The following FGD3 variants were observed in gnomAD, a reference collection of about 807,000 sequenced individuals.
FGD3 encodes FYVE, RhoGEF and PH domain containing 3, also known as FYVE, RhoGEF and PH domain-containing protein 3.
A neutral mutation model predicts 71.8 loss-of-function variants in FGD3; 45 were observed. The ratio of observed to expected loss-of-function variants is 0.63; its 90% CI spans 0.49 to 0.80. The LOEUF (loss-of-function observed/expected upper bound fraction) is 0.80. Ranked by LOEUF, FGD3 falls within the 30% of genes least tolerant of loss-of-function variation. The probability of loss-of-function intolerance (pLI) is 0.00; values close to 1 mark genes in which losing one functional copy is unlikely to be tolerated. For synonymous variants in FGD3, 378 were observed against 392.8 expected (o/e 0.96, Z 0.44); for missense variants, 844 against 951.5 (o/e 0.89, Z 1.49).
intron 6 of FGD3, among the ~76,000 whole-genome samples, chr9:93,008,956 C>T (rs989674021): frequency 4.4e-5 from 6 of 135,672 alleles, no homozygotes; most frequent in Non-Finnish European, 9.4e-5. Flanking sequence ...CAGAGCAAGA[C>T]TCCATCAAAA....
chr9:92,988,244 A>G (rs924969555), intron 3 of FGD3, among the ~76,000 whole-genome samples: 4 of 152,142 alleles, frequency 2.6e-5, no homozygotes, highest in Non-Finnish European at 5.9e-5. Flanking sequence ...TCCCCTGCAT[A>G]AGGCTCCACC....
intron 11 of FGD3, among the ~76,000 whole-genome samples, chr9:93,018,820 A>G (rs1490067976): frequency 6.6e-6 from 1 of 152,144 alleles, no homozygotes. Flanking sequence ...CAGGCCCAGC[A>G]CGTTCTTAGT....
chr9:92,958,002 ATT>A (rs34120692), intron 1 of FGD3, among the ~76,000 whole-genome samples: 10 of 137,228 alleles, frequency 7.3e-5, no homozygotes, highest in Non-Finnish European at 9.5e-5. Flanking sequence ...AAAATATTTA[ATT>A]TTTTTTTTTT....
intron 3 of FGD3, among the ~76,000 whole-genome samples, chr9:92,984,697 G>A (rs535513858): frequency 6.6e-6 from 1 of 152,274 alleles, no homozygotes; most frequent in Non-Finnish European, 1.5e-5. Context: ...CACCCATCTA[G>A]GAAAGTATAT....
At chr9:92,983,920 T>A (rs1379185983) in intron 3 of FGD3, among the ~76,000 whole-genome samples, 1 of 152,248 alleles carries the variant, frequency 6.6e-6, no homozygotes, top group African/African-American at 2.4e-5. Context: ...TCCCTACACA[T>A]CTTGCATGTA....
chr9:92,959,657 T>C (rs1859132580), intron 1 of FGD3, among the ~76,000 whole-genome samples: 1 of 136,060 alleles, frequency 7.3e-6, no homozygotes, highest in Non-Finnish European at 1.5e-5. Flanking sequence ...CAGTGAGTCA[T>C]GATCGGTCCA....
chr9:92,978,420 C>A, intron 3 of FGD3, among the ~76,000 whole-genome samples: 1 of 130,784 alleles, frequency 7.6e-6, no homozygotes, highest in Admixed American at 7.6e-5. Context: ...CCCACCCCCC[C>A]ACCCCACCCC....
At chr9:92,988,395 A>C (rs554661837) in intron 3 of FGD3, among the ~76,000 whole-genome samples, 1 of 152,252 alleles carries the variant, frequency 6.6e-6, no homozygotes, top group South Asian at 2.1e-4. Context: ...ATCTGGCATA[A>C]ATGCTTGTGG....
intron 3 of FGD3, among the ~76,000 whole-genome samples, chr9:92,993,506 T>G (rs906189848): frequency 1.3e-5 from 2 of 152,196 alleles, no homozygotes; most frequent in African/African-American, 4.8e-5. Flanking sequence ...AAGGTACATG[T>G]GCACAATGTG....
At chr9:92,981,758 T>A (rs1860009174) in intron 3 of FGD3, among the ~76,000 whole-genome samples, 2 of 152,222 alleles carry the variant, frequency 1.3e-5, no homozygotes, top group South Asian at 4.1e-4. Flanking sequence ...GTCACATCTT[T>A]TTGGTGACTT....
At chr9:92,978,223 G>C (rs1199507414) in intron 3 of FGD3, among the ~76,000 whole-genome samples, 1 of 150,802 alleles carries the variant, frequency 6.6e-6, no homozygotes, top group Non-Finnish European at 1.5e-5. Context: ...CGGAGGTTGC[G>C]GTGAGCCGAT....
At chr9:92,950,584 G>A (rs775822731) in intron 1 of FGD3, among the ~76,000 whole-genome samples, 5 of 152,124 alleles carry the variant, frequency 3.3e-5, no homozygotes, top group East Asian at 1.9e-4. Flanking sequence ...TGTTCCGTGC[G>A]GATTCTGGAC....
intron 9 of FGD3, among the ~76,000 whole-genome samples, chr9:93,015,324 C>T (rs1861627927): frequency 6.6e-6 from 1 of 152,090 alleles, no homozygotes; most frequent in South Asian, 2.1e-4. Flanking sequence ...GGCGTGGTAG[C>T]ACCCGCCTGT....
chr9:93,018,799 C>CG (rs1470698421), intron 11 of FGD3, among the ~76,000 whole-genome samples: 2 of 152,196 alleles, frequency 1.3e-5, no homozygotes, highest in Non-Finnish European at 2.9e-5. Flanking sequence ...CTCTGCCCAC[C>CG]TCCTGTTCAG....
chr9:92,984,870 GAGA>G lies in FGD3; in HGVS notation c.453+8166_453+8168del, dbSNP rs537312324. 8.8e-4 allele frequency among the ~76,000 whole-genome samples: 133 copies of G among 151,702 alleles called. 1 individual carries two copies. The highest frequency in any genetic ancestry group is 2.5e-3 in the African/African-American group (102 of 41,328). ...TGCCCACATTACCTGACTGCATTTG[GAGA>G]AGAATTGCTCAGAGGAGATTAGCAC... On this transcript the variant is annotated intron_variant, in intron 3 of 17. Coordinates refer to ENST00000375482, the MANE Select transcript of FGD3 (RefSeq NM_001083536.2).
chr9:92,993,135 A>T (rs987409599), intron 3 of FGD3, among the ~76,000 whole-genome samples: 4 of 151,168 alleles, frequency 2.6e-5, no homozygotes, highest in Admixed American at 2.0e-4. Flanking sequence ...TACTGATATC[A>T]CTCTCCTTCT....
Position 93,032,787 on chromosome 9 carries a change from T to C in FGD3, c.1699T>C (p.Ser567Pro). The C allele has an allele frequency of 6.2e-7, 1 of 1,614,200 alleles. No individual in the cohort carries two copies. Among genetic ancestry groups the C allele is most frequent in the Non-Finnish European group, 8.5e-7 (1 of 1,180,028 alleles). The change falls in exon 16 of 18, where the codon TCC (serine) becomes CCC (proline). Residue 567 changes from serine to proline, a missense_variant. Transcript: ENST00000375482. ...TTGGCAGGTCATCTGTGGGAAGTGC[T>C]CCGAGTTCAAGGCCGAGAACAGCCG... ...LCGAVICGKC[S>P]EFKAENSRQS...
chr9:92,971,941 C>T (rs1224886291), intron 1 of FGD3, among the ~76,000 whole-genome samples: 2 of 144,618 alleles, frequency 1.4e-5, no homozygotes, highest in Non-Finnish European at 3.0e-5. Flanking sequence ...TCCCCAGCCC[C>T]CTCCACCCAT....
At chr9:92,960,131 T>TGTCTTC (rs1859142920) in intron 1 of FGD3, among the ~76,000 whole-genome samples, 1 of 151,668 alleles carries the variant, frequency 6.6e-6, no homozygotes, top group African/African-American at 2.4e-5. Context: ...GTCATGTCCC[T>TGTCTTC]GTGTCTTCAT....
Sources: gnomAD v4.1 joint callset for allele counts (sites outside exome capture counted in the v4.1 genomes callset) on GRCh38, gnomAD v4.1.1 for gene constraint, MANE v1.5 for transcripts, NCBI Gene and HGNC (gene_info 2026-07-23, HGNC 2026-07-21) for gene names.